Variants in SNTG1 observed in about 807,000 individuals in gnomAD.
SNTG1 encodes the protein syntrophin gamma 1.
A neutral mutation model predicts 74.7 loss-of-function variants in SNTG1; 39 were observed. The ratio of observed to expected loss-of-function variants is 0.52; its 90% confidence interval spans 0.40 to 0.68. The LOEUF (loss-of-function observed/expected upper bound fraction) is 0.68. Among genes scored for constraint, SNTG1 ranks in the 30% least tolerant of loss-of-function variants. SNTG1 has a pLI of 0.00. For missense variants in SNTG1, 685 were observed against 609.5 expected, an observed-to-expected ratio of 1.12 and a Z score of -1.30; for synonymous variants, 254 against 217.1, an observed-to-expected ratio of 1.17 and a Z score of -1.49.
chr8:50,013,439 C>A (rs1314547252), intron 1 of SNTG1, among the ~76,000 whole-genome samples: 1 of 151,302 alleles, frequency 6.6e-6, no homozygotes, highest in East Asian at 1.9e-4. Context: ...TTCATTAAAT[C>A]TATAACCTCC....
At chr8:49,912,344 C>A (rs1805651792) in intron 1 of SNTG1, 113 bp downstream of exon 1, 1 of 152,140 alleles carries the variant, frequency 6.6e-6, no homozygotes, top group Non-Finnish European at 1.5e-5. Context: ...AGGAGACAAG[C>A]AATTTTGTTT....
chr8:50,286,118 G>T (rs1586960866), intron 2 of SNTG1, among the ~76,000 whole-genome samples: 2 of 108,414 alleles, frequency 1.8e-5, no homozygotes, highest in South Asian at 6.1e-4. Flanking sequence ...TGACCATTCT[G>T]TTCTGTTTTC....
intron 17 of SNTG1, among the ~76,000 whole-genome samples, chr8:50,738,594 C>G (rs189776894): frequency 1.3e-5 from 2 of 151,984 alleles, no homozygotes; most frequent in East Asian, 1.9e-4. Flanking sequence ...AGAGCCCACA[C>G]AGCCAGGACA....
chr8:50,725,313 A>G (rs549545133), intron 17 of SNTG1, among the ~76,000 whole-genome samples: 1 of 152,294 alleles, frequency 6.6e-6, no homozygotes, highest in South Asian at 2.1e-4. Flanking sequence ...GTGCAATTGC[A>G]TACTTCTTAT....
intron 12 of SNTG1, among the ~76,000 whole-genome samples, chr8:50,553,994 T>G (rs1367158338): frequency 6.6e-6 from 1 of 151,768 alleles, no homozygotes; most frequent in African/African-American, 2.4e-5. Flanking sequence ...AGATCAGGAG[T>G]CTAATATACA....
chr8:50,733,091 C>G (rs1254360985), intron 17 of SNTG1, among the ~76,000 whole-genome samples: 1 of 151,774 alleles, frequency 6.6e-6, no homozygotes, highest in African/African-American at 2.4e-5. Context: ...CCCCTCCCTA[C>G]CCCTCTAGTG....
chr8:50,551,299 A>G (rs971187461), intron 11 of SNTG1, among the ~76,000 whole-genome samples: 1 of 152,170 alleles, frequency 6.6e-6, no homozygotes, highest in African/African-American at 2.4e-5. Context: ...GTAAAAAGTG[A>G]TATGTATTAA....
chr8:50,242,346 TG>T (rs2086199455), intron 2 of SNTG1, among the ~76,000 whole-genome samples: 1 of 151,760 alleles, frequency 6.6e-6, no homozygotes. Context: ...CTGGTCAACA[TG>T]GCGAAACCCC....
At chr8:50,111,283 G>T (rs1002690015) in intron 1 of SNTG1, among the ~76,000 whole-genome samples, 3 of 152,114 alleles carry the variant, frequency 2.0e-5, no homozygotes, top group Admixed American at 2.0e-4. Flanking sequence ...CAATATAATG[G>T]TATTTGGAGA....
intron 4 of SNTG1, among the ~76,000 whole-genome samples, chr8:50,427,000 G>A (rs1300250643): frequency 6.6e-6 from 1 of 152,088 alleles, no homozygotes; most frequent in Non-Finnish European, 1.5e-5. Flanking sequence ...TAGATCACAT[G>A]TAAATACTAT....
chr8:49,923,140 GT>G (rs1806706227), intron 1 of SNTG1, among the ~76,000 whole-genome samples: 1 of 152,006 alleles, frequency 6.6e-6, no homozygotes, highest in Non-Finnish European at 1.5e-5. Flanking sequence ...ATCCCACCTT[GT>G]TTTTAGGAGA....
At chr8:50,583,352 AGATCACACTACTGCCTCCAGCCT>A (rs2094623961) in intron 12 of SNTG1, among the ~76,000 whole-genome samples, 1 of 148,052 alleles carries the variant, frequency 6.8e-6, no homozygotes, top group Non-Finnish European at 1.5e-5. Context: ...GAGTGAACTG[AGATCACACTACTGCCTCCAGCCT>A]GGGCGACAGA....
intron 8 of SNTG1, among the ~76,000 whole-genome samples, chr8:50,470,872 C>T (rs2093648137): frequency 6.6e-6 from 1 of 152,144 alleles, no homozygotes. Flanking sequence ...GCGTTTATTC[C>T]CTTATTTGGC....
intron 13 of SNTG1, among the ~76,000 whole-genome samples, chr8:50,622,348 C>T (rs1157501195): frequency 7.2e-5 from 11 of 152,120 alleles, no homozygotes; most frequent in African/African-American, 2.2e-4. Flanking sequence ...TACTTCCAAA[C>T]ACCTCAACTT....
chr8:50,501,248 C>T (rs1201967815), intron 8 of SNTG1, among the ~76,000 whole-genome samples: 2 of 151,874 alleles, frequency 1.3e-5, no homozygotes, highest in East Asian at 3.9e-4. Flanking sequence ...TTTGGTGTTC[C>T]TCTGGTGGAG....
intron 8 of SNTG1, among the ~76,000 whole-genome samples, chr8:50,458,595 A>G (rs1345674865): frequency 1.3e-5 from 2 of 152,158 alleles, no homozygotes; most frequent in Non-Finnish European, 1.5e-5. Context: ...CTTCTTGTAT[A>G]TATTTTCCAA....
chr8:50,400,484 T>G (rs1265145551), intron 3 of SNTG1, among the ~76,000 whole-genome samples: 1 of 152,228 alleles, frequency 6.6e-6, no homozygotes, highest in Non-Finnish European at 1.5e-5. Context: ...GGAGTGCAGA[T>G]GTCCCTTTGA....
intron 2 of SNTG1, among the ~76,000 whole-genome samples, chr8:50,224,460 A>C (rs1015894130): frequency 1.3e-5 from 2 of 152,202 alleles, no homozygotes; most frequent in African/African-American, 4.8e-5. Context: ...AGGAAGACTC[A>C]GGACCCTAGG....
At chr8:49,925,371 T>C (rs1806929684) in intron 1 of SNTG1, among the ~76,000 whole-genome samples, 1 of 152,176 alleles carries the variant, frequency 6.6e-6, no homozygotes, top group Non-Finnish European at 1.5e-5. Flanking sequence ...TATTATACAG[T>C]ATTGACAAAT....
Sources: allele counts gnomAD v4.1 joint callset (sites outside exome capture counted in the v4.1 genomes callset), GRCh38; gene constraint gnomAD v4.1.1; transcripts MANE v1.5; gene names NCBI Gene and HGNC (gene_info 2026-07-23, HGNC 2026-07-21).